LCORL: variants seen among roughly 807,000 people sequenced by gnomAD.
LCORL encodes ligand dependent nuclear receptor corepressor like.
LCORL carries 41 observed loss-of-function variants against 141.8 expected under a neutral mutation model. The ratio of observed to expected loss-of-function variants is 0.29; its 90% CI spans 0.23 to 0.38. LCORL has a LOEUF of 0.38. LCORL is among the 10% of genes least tolerant of loss of function. The pLI, the probability that LCORL is intolerant of heterozygous loss-of-function variation, is 1.00. For missense variants in LCORL, 1,759 were observed against 2,035.0 expected, an observed-to-expected ratio of 0.86 and a Z score of 2.61; for synonymous variants, 618 against 694.1, an observed-to-expected ratio of 0.89 and a Z score of 1.72.
At chr4:17,878,919 G>A (rs1560280643) in intron 6 of LCORL, among the ~76,000 whole-genome samples, 2 of 150,998 alleles carry the variant, frequency 1.3e-5, no homozygotes, top group South Asian at 2.1e-4. Flanking sequence ...ACTAAGAACC[G>A]GGCTTGCTTA....
intron 1 of LCORL, among the ~76,000 whole-genome samples, chr4:18,007,409 A>G (rs2109854625): frequency 6.6e-6 from 1 of 152,312 alleles, no homozygotes; most frequent in South Asian, 2.1e-4. Flanking sequence ...CTCATTTCCC[A>G]CAATCATCTT....
At chr4:18,000,146 C>T (rs1386690450) in intron 1 of LCORL, among the ~76,000 whole-genome samples, 4 of 132,574 alleles carry the variant, frequency 3.0e-5, no homozygotes, top group Non-Finnish European at 4.7e-5. Context: ...TTTTTTTGCA[C>T]TGAAAGAGTG....
chr4:17,948,980 T>C (rs1739311278), intron 4 of LCORL, among the ~76,000 whole-genome samples: 1 of 152,080 alleles, frequency 6.6e-6, no homozygotes, highest in East Asian at 1.9e-4. Flanking sequence ...TGTCCTTGTT[T>C]TTGGCAAATT....
intron 5 of LCORL, among the ~76,000 whole-genome samples, chr4:17,897,379 G>A (rs946931467): frequency 2.7e-5 from 4 of 150,842 alleles, no homozygotes; most frequent in Non-Finnish European, 4.4e-5. Flanking sequence ...TTCTGATTCT[G>A]TTGTTTGATT....
Position 17,866,969 on chromosome 4 carries a change from AAAG to A in LCORL, c.5602+6416_5602+6418del, listed in dbSNP as rs377584066. On this transcript the variant is annotated intron_variant, in intron 7 of 7. Transcript: ENST00000635767. ...TTCTAGCAGGTGGTAGCAGCTGGTT[AAAG>A]AAGAAAAGGGTGACCCTTGAACTTA... 1.7e-4 allele frequency: 169 copies of A among 985,024 alleles called. No individual in the cohort carries two copies. In the African/African-American group the frequency reaches 2.7e-3, roughly 16 times the overall value. 61.0% of individuals were successfully genotyped at this position (985,024 alleles called of 1,614,324 possible).
chr4:17,897,206 C>T (rs7683963), intron 5 of LCORL, among the ~76,000 whole-genome samples: 5,494 of 45,334 alleles, frequency 0.12, 250 homozygotes, highest in Middle Eastern at 0.2. Context: ...CTTTGATATA[C>T]TGATTTCTTT....
At chr4:17,857,419 T>C (rs554638492) in intron 7 of LCORL, among the ~76,000 whole-genome samples, 5 of 152,294 alleles carry the variant, frequency 3.3e-5, no homozygotes, top group East Asian at 1.9e-4. Flanking sequence ...AGGCTATATA[T>C]AGCTGGATAT....
intron 1 of LCORL, among the ~76,000 whole-genome samples, chr4:17,981,907 T>A (rs770287536): frequency 1.1e-4 from 16 of 152,116 alleles, no homozygotes; most frequent in Non-Finnish European, 1.9e-4. Context: ...ACACCCTCCA[T>A]CCTCAAGCAG....
intron 5 of LCORL, among the ~76,000 whole-genome samples, chr4:17,895,908 T>C (rs889245081): frequency 6.6e-6 from 1 of 152,224 alleles, no homozygotes; most frequent in Non-Finnish European, 1.5e-5. Flanking sequence ...TTCCATTGTA[T>C]GGATGTACAA....
intron 5 of LCORL, among the ~76,000 whole-genome samples, chr4:17,901,419 C>T: frequency 6.6e-6 from 1 of 151,076 alleles, no homozygotes; most frequent in African/African-American, 2.4e-5. Context: ...TGAGAGTTTA[C>T]TACCAATAAA....
chr4:17,852,982 C>T (rs1025371324), intron 7 of LCORL, among the ~76,000 whole-genome samples: 2 of 151,476 alleles, frequency 1.3e-5, no homozygotes, highest in African/African-American at 4.9e-5. Context: ...TTGGTGCAAC[C>T]AAGACAGGTC....
intron 5 of LCORL, among the ~76,000 whole-genome samples, chr4:17,892,035 T>A (rs1384965515): frequency 2.0e-5 from 3 of 152,168 alleles, no homozygotes; most frequent in East Asian, 1.9e-4. Context: ...ATTTCGATTT[T>A]AAAAATTTGA....
At chr4:17,841,300 T>C (rs963566199) in exon 8 of LCORL, 19 of 152,130 alleles carry the variant, frequency 1.2e-4, no homozygotes, top group African/African-American at 4.1e-4. Context: ...GGAACACTAA[T>C]AATCCCACCC....
chr4:17,989,169 T>A (rs1719545205), intron 1 of LCORL, among the ~76,000 whole-genome samples: 1 of 152,188 alleles, frequency 6.6e-6, no homozygotes, highest in South Asian at 2.1e-4. Context: ...TTCCAAATCG[T>A]TTTCCTTTAT....
At chr4:17,853,870 C>G (rs985709453) in intron 7 of LCORL, among the ~76,000 whole-genome samples, 8 of 149,944 alleles carry the variant, frequency 5.3e-5, no homozygotes, top group Non-Finnish European at 1.0e-4. Flanking sequence ...TCAAGCAGTA[C>G]TTACTTAACA....
intron 4 of LCORL, among the ~76,000 whole-genome samples, chr4:17,929,832 T>C (rs1308941770): frequency 6.6e-6 from 1 of 152,080 alleles, no homozygotes; most frequent in Non-Finnish European, 1.5e-5. Context: ...GTCCACACAA[T>C]GGGAAAAAAA....
Position 17,916,641 on chromosome 4 carries a change from G to GT in LCORL, c.431-7297dup, listed in dbSNP as rs1733464249. Among the ~76,000 whole-genome samples, 32 of 135,418 alleles carry GT rather than the reference G, an allele frequency of 2.4e-4. No individual in the cohort carries two copies. In the South Asian group the frequency reaches 5.4e-3, roughly 23 times the overall value. 88.8% of individuals were successfully genotyped at this position (135,418 alleles called of 152,430 possible). A position where few individuals can be genotyped will look rare whatever the true frequency, so the allele number is the denominator to read the frequency against. On this transcript the variant is annotated intron_variant, in intron 4 of 7. Coordinates refer to ENST00000635767, the Ensembl canonical transcript of LCORL. Reference sequence around the variant, plus strand: ...GCATGAAAGCATGAGCCAATTAAATGTCTTTTTTTTTTTTTTTTTTTTTTT... The same window carrying GT: ...GCATGAAAGCATGAGCCAATTAAATGTTCTTTTTTTTTTTTTTTTTTTTTTT...
exon 7 of LCORL, chr4:17,875,013 G>T: frequency 8.1e-7 from 1 of 1,233,652 alleles, no homozygotes; most frequent in Non-Finnish European, 1.0e-6. Flanking sequence ...ATGTCTCAAA[G>T]GTACAGTAGC....
intron 1 of LCORL, chr4:18,020,434 C>T (rs1166542716): frequency 6.6e-6 from 1 of 152,146 alleles, no homozygotes; most frequent in Non-Finnish European, 1.5e-5. Flanking sequence ...CTACCTCTTC[C>T]CCTACACTCC....
Sources: allele counts gnomAD v4.1 joint callset (sites outside exome capture counted in the v4.1 genomes callset), GRCh38; gene constraint gnomAD v4.1.1; transcripts MANE v1.5; gene names NCBI Gene and HGNC (gene_info 2026-07-23, HGNC 2026-07-21).